NFASC: variants seen among roughly 807,000 people sequenced by gnomAD.
NFASC encodes neurofascin.
In NFASC, 43 loss-of-function variants were observed where a neutral mutation model predicts 147.5. The observed-to-expected ratio is 0.29, with a 90% CI of 0.23 to 0.38. The LOEUF (loss-of-function observed/expected upper bound fraction) is 0.38, where lower values mean the gene tolerates loss of function less well. Ranked by LOEUF, NFASC falls within the 10% of genes least tolerant of loss-of-function variation. The pLI, the probability that NFASC is intolerant of heterozygous loss-of-function variation, is 1.00. For synonymous variants in NFASC, 622 were observed against 665.5 expected, an observed-to-expected ratio of 0.93 and a Z score of 1.01; for missense variants, 1,320 against 1,689.0, an observed-to-expected ratio of 0.78 and a Z score of 3.83.
intron 2 of NFASC, among the ~76,000 whole-genome samples, chr1:204,930,018 G>A (rs201286388): frequency 1.2e-3 from 176 of 152,280 alleles, no homozygotes; most frequent in African/African-American, 3.7e-3. Context: ...AGTGGCGGAC[G>A]GTGGCCCTCA....
At position 204,986,539 on chromosome 1, in the gene NFASC, C is replaced by T. The variant is rs751097963; in HGVS notation, c.2471-879C>T. On this transcript the variant is annotated intron_variant, in intron 21 of 29. Transcript: ENST00000339876. This position sits in a 1 kb window ranked among gnomAD's most constrained non-coding sequence, Gnocchi z 4.2. ...CTCAAGAAGCCGTCACTGAAATAGT[C>T]GGCCTGTGTGTGCGGTGGCTCTGCA... is the stretch of plus-strand genomic sequence containing the variant. 3.5e-5 allele frequency: 8 copies of T among 227,022 alleles called. No individual in the cohort carries two copies. The highest frequency in any genetic ancestry group is 7.4e-5 in the South Asian group (1 of 13,460). 14.1% of individuals were successfully genotyped at this position (227,022 alleles called of 1,614,324 possible).
intron 1 of NFASC, among the ~76,000 whole-genome samples, chr1:204,919,548 G>C (rs567822935): frequency 6.6e-6 from 1 of 152,054 alleles, no homozygotes; most frequent in Non-Finnish European, 1.5e-5. Flanking sequence ...GGGATTGTTG[G>C]GTCAAAGAGT....
chr1:205,004,491 G>C (rs2096065402), intron 27 of NFASC, among the ~76,000 whole-genome samples: 1 of 152,250 alleles, frequency 6.6e-6, no homozygotes, highest in South Asian at 2.1e-4. Flanking sequence ...GAGAGCTGGA[G>C]TGGGCAGGTT....
chr1:205,017,268 G>C lies in NFASC; in HGVS notation c.*729G>C, dbSNP rs1558495892. On this transcript the variant is annotated 3_prime_UTR_variant, in exon 30 of 30. Transcript: ENST00000339876. Reference sequence around the variant, plus strand: ...TGCTGCTCTCTGGTTTGGTTGGGAGGTGTGTTTACCTCTTGCTCCTCATTC... The same window carrying C: ...TGCTGCTCTCTGGTTTGGTTGGGAGCTGTGTTTACCTCTTGCTCCTCATTC... 1.9e-5 allele frequency: 3 copies of C among 159,212 alleles called. No individual in the cohort carries two copies. The allele number at this position is 159,212 out of a possible 1,614,324, so 9.9% of individuals were successfully genotyped here.
chr1:204,891,981 G>T (rs1181893809), intron 1 of NFASC, among the ~76,000 whole-genome samples: 1 of 152,200 alleles, frequency 6.6e-6, no homozygotes, highest in South Asian at 2.1e-4. Context: ...ACCTAGCCTA[G>T]GGAAGAAGAT....
In NFASC at chr1:204,954,135, G is replaced by A. The variant is rs2094301717; in HGVS notation, c.216-53G>A. ...ACTAGGGATCTGAGATCTGCCTGGA[G>A]CCCAGAGCCCACCCCATTCGTCTTG... On this transcript the variant is annotated intron_variant, in intron 5 of 29. Transcript: ENST00000339876. The surrounding 1 kb of genome is among the most constrained non-coding windows in gnomAD (Gnocchi z 5.7). 6.8e-5 allele frequency: 105 copies of A among 1,541,580 alleles called. No individual in the cohort carries two copies. The South Asian group carries it at 1.2e-3, about 17-fold the overall frequency.
chr1:204,873,536 C>T (rs1019287248), intron 1 of NFASC, among the ~76,000 whole-genome samples: 1 of 152,220 alleles, frequency 6.6e-6, no homozygotes, highest in Non-Finnish European at 1.5e-5. Flanking sequence ...AAGCCTTTGG[C>T]TTCTGCTGGG....
chr1:204,962,804 A>C (rs1573807989), intron 8 of NFASC, among the ~76,000 whole-genome samples: 1 of 152,132 alleles, frequency 6.6e-6, no homozygotes. Flanking sequence ...AGTATATGCA[A>C]ATCAAATGCC....
Position 205,002,731 on chromosome 1 carries a change from C to A in NFASC, c.3272C>A (p.Thr1091Asn), listed in dbSNP as rs1574393656. 1.3e-6 allele frequency: 2 copies of A among 1,547,482 alleles called. No individual in the cohort carries two copies. The highest frequency in any genetic ancestry group is 1.8e-6 in the Non-Finnish European group (2 of 1,133,060). Reference protein sequence around the residue: ...DNEGISSTVITFMTSTAYTNN... With the variant: ...DNEGISSTVINFMTSTAYTNN... ...GAGGGCATCAGCAGTACCGTCATCA[C>A]CTTTATGACCAGTACAGGTGAGAGG... The change falls in exon 27 of 30, where the codon ACC (threonine) becomes AAC (asparagine). Residue 1091 changes from threonine (T) to asparagine (N), a missense_variant. This residue lies in a region of NFASC where 167 missense variants were observed against 233.8 expected (regional missense o/e 0.71). Transcript: ENST00000339876.
intron 1 of NFASC, among the ~76,000 whole-genome samples, chr1:204,894,565 CCT>C (rs1472309956): frequency 6.6e-6 from 1 of 152,104 alleles, no homozygotes; most frequent in African/African-American, 2.4e-5. Flanking sequence ...TCTTGTTGGC[CCT>C]CTGTTATTCC....
chr1:204,956,602 C>T (rs1168297438), intron 7 of NFASC, among the ~76,000 whole-genome samples: 4 of 152,206 alleles, frequency 2.6e-5, no homozygotes, highest in Non-Finnish European at 5.9e-5. Context: ...TATTTATCTG[C>T]TGCCTCTTCT....
intron 7 of NFASC, among the ~76,000 whole-genome samples, chr1:204,956,161 C>T (rs2094418818): frequency 6.6e-6 from 1 of 152,260 alleles, no homozygotes; most frequent in Non-Finnish European, 1.5e-5. Flanking sequence ...CAGCCCCGGC[C>T]ACCATCAGTT....
Position 204,944,417 on chromosome 1 carries a change from C to T in NFASC, c.91+11C>T. 2 of 1,563,658 alleles carry T rather than the reference C, an allele frequency of 1.3e-6. No homozygotes were observed. Among genetic ancestry groups the T allele is most frequent in the South Asian group, 1.2e-5 (1 of 85,360 alleles). On this transcript the variant is annotated intron_variant, in intron 3 of 29. Coordinates refer to ENST00000339876, the MANE Select transcript of NFASC (RefSeq NM_001005388.3). Reference sequence around the variant, plus strand: ...AAATTCCTATGGATCGTGAGTCCTGCCCCATTCTCTTCTCTTTTTTTTCCT... The same window carrying T: ...AAATTCCTATGGATCGTGAGTCCTGTCCCATTCTCTTCTCTTTTTTTTCCT...
chr1:204,949,788 T>C (rs1423336474), intron 3 of NFASC, among the ~76,000 whole-genome samples: 1 of 152,208 alleles, frequency 6.6e-6, no homozygotes, highest in Non-Finnish European at 1.5e-5. Context: ...AGACCTCAGA[T>C]ACATACATCC....
At chr1:204,912,061 T>G (rs1442006276) in intron 1 of NFASC, among the ~76,000 whole-genome samples, 1 of 152,162 alleles carries the variant, frequency 6.6e-6, no homozygotes, top group Non-Finnish European at 1.5e-5. Flanking sequence ...TCAATTGAAG[T>G]GATTTTTTCA....
Position 204,975,384 on chromosome 1 carries a change from C to A in NFASC, c.1672C>A (p.Leu558Met). Residue 558 changes from leucine (L) to methionine (M), a missense_variant, in exon 15 of 30, where the codon CTG (leucine) becomes ATG (methionine). Coordinates refer to ENST00000339876, the MANE Select transcript of NFASC (RefSeq NM_001005388.3). This position sits in a 1 kb window ranked among gnomAD's most constrained non-coding sequence, Gnocchi z 4.0. The stretch of plus-strand genomic sequence containing the variant: ...CTCCCTGAAACTCACCGTCTCCTGG[C>A]TGAAGGATGACGAGCCGCTCTATAT... ...DPSLKLTVSW[L>M]KDDEPLYIGN... 6.2e-7 allele frequency: 1 copy of A among 1,614,094 alleles called. No homozygotes were observed. The highest frequency in any genetic ancestry group is 8.5e-7 in the Non-Finnish European group (1 of 1,179,942).
chr1:204,840,547 C>A (rs905401241), intron 1 of NFASC, among the ~76,000 whole-genome samples: 1 of 152,182 alleles, frequency 6.6e-6, no homozygotes, highest in African/African-American at 2.4e-5. Context: ...AGTAGTAGTT[C>A]TCTGATGTGT....
At chr1:204,901,504 C>T (rs904447297) in intron 1 of NFASC, among the ~76,000 whole-genome samples, 3 of 152,058 alleles carry the variant, frequency 2.0e-5, no homozygotes, top group African/African-American at 7.3e-5. Context: ...TATTTATTTA[C>T]CATTGGACTC....
chr1:204,959,715 A>G (rs1397243542), intron 8 of NFASC, among the ~76,000 whole-genome samples: 2 of 152,218 alleles, frequency 1.3e-5, no homozygotes, highest in Non-Finnish European at 2.9e-5. Context: ...AGAGCCCATC[A>G]CTGTCACACA....
Sources: gnomAD v4.1 joint callset for allele counts (sites outside exome capture counted in the v4.1 genomes callset) on GRCh38, gnomAD v4.1.1 for gene constraint, gnomAD v4.1.1 regional missense constraint, Gnocchi (gnomAD v3.1) non-coding constraint, MANE v1.5 for transcripts, NCBI Gene and HGNC (gene_info 2026-07-23, HGNC 2026-07-21) for gene names.